The following FHAD1 variants were observed in gnomAD, a reference collection of about 807,000 sequenced individuals.
The protein encoded by FHAD1 is forkhead-associated domain-containing protein 1.
In FHAD1, 146 loss-of-function variants were observed where a neutral mutation model predicts 191.3. The ratio of observed to expected loss-of-function variants is 0.76; its 90% confidence interval spans 0.67 to 0.88. The LOEUF is 0.88. FHAD1 is among the 40% of genes least tolerant of loss of function. FHAD1 has a pLI of 0.00. For missense variants in FHAD1, 1,635 were observed against 1,785.8 expected (o/e 0.92, Z 1.52); for synonymous variants, 616 against 672.3 (o/e 0.92, Z 1.29).
chr1:15,261,460 G>T (rs536846909), intron 2 of FHAD1, among the ~76,000 whole-genome samples: 1 of 152,122 alleles, frequency 6.6e-6, no homozygotes, highest in African/African-American at 2.4e-5. Flanking sequence ...AGGTTCTTTC[G>T]AGCCGTCAGT....
chr1:15,256,715 G>T (rs1352743282), intron 2 of FHAD1, among the ~76,000 whole-genome samples: 2 of 147,850 alleles, frequency 1.4e-5, no homozygotes, highest in Non-Finnish European at 3.0e-5. Context: ...ACCCTGCCCT[G>T]CCCTACACCG....
chr1:15,236,919 G>A (rs970880674), intron 1 of FHAD1, among the ~76,000 whole-genome samples: 1 of 152,174 alleles, frequency 6.6e-6, no homozygotes, highest in Non-Finnish European at 1.5e-5. Context: ...TCATGAGGGC[G>A]GTTACCCTCG....
chr1:15,272,671 C>T, intron 3 of FHAD1, 142 bp downstream of exon 3: 1 of 723,740 alleles, frequency 1.4e-6, no homozygotes, highest in Non-Finnish European at 2.2e-6. Flanking sequence ...ACAGAGTGGA[C>T]CCTGTGGAGT....
intron 19 of FHAD1, among the ~76,000 whole-genome samples, chr1:15,350,935 A>G (rs994633547): frequency 6.6e-6 from 1 of 152,144 alleles, no homozygotes; most frequent in African/African-American, 2.4e-5. Context: ...GATCCAAACT[A>G]TGGTCACCAC....
At chr1:15,299,552 G>A (rs745828549) in intron 5 of FHAD1, among the ~76,000 whole-genome samples, 2 of 152,150 alleles carry the variant, frequency 1.3e-5, no homozygotes, top group Non-Finnish European at 2.9e-5. Flanking sequence ...GGTGGGACAG[G>A]AAGGCAGGTG....
At chr1:15,373,274 G>T (rs1698628640) in intron 26 of FHAD1, among the ~76,000 whole-genome samples, 1 of 152,074 alleles carries the variant, frequency 6.6e-6, no homozygotes, top group Non-Finnish European at 1.5e-5. Flanking sequence ...ACTTTGGGAG[G>T]CCGAGGGAGG....
intron 3 of FHAD1, among the ~76,000 whole-genome samples, chr1:15,282,453 T>C (rs1193578066): frequency 6.6e-6 from 1 of 152,240 alleles, no homozygotes; most frequent in African/African-American, 2.4e-5. Flanking sequence ...GCCAAACTCT[T>C]GTATCCCTAG....
chr1:15,359,667 G>A (rs1458354381), intron 21 of FHAD1, among the ~76,000 whole-genome samples: 2 of 151,952 alleles, frequency 1.3e-5, no homozygotes, highest in African/African-American at 2.4e-5. Flanking sequence ...GGCCAACATG[G>A]CAAAACCCCA....
intron 1 of FHAD1, among the ~76,000 whole-genome samples, chr1:15,251,158 C>T (rs898422684): frequency 6.6e-6 from 1 of 151,784 alleles, no homozygotes; most frequent in African/African-American, 2.4e-5. Flanking sequence ...ACCTGTAATC[C>T]CAGCTACTGG....
intron 11 of FHAD1, 165 bp downstream of exon 11, chr1:15,324,724 A>T (rs1677632390): frequency 4.8e-6 from 3 of 623,232 alleles, no homozygotes; most frequent in Non-Finnish European, 8.7e-6. Flanking sequence ...CCCCACCCCC[A>T]TGGACATCGC....
At chr1:15,283,963 G>C (rs536048268) in intron 3 of FHAD1, among the ~76,000 whole-genome samples, 134 of 152,316 alleles carry the variant, frequency 8.8e-4, no homozygotes, top group African/African-American at 3.1e-3. Flanking sequence ...AGCTCCAGGG[G>C]CACAGAGTTT....
intron 18 of FHAD1, among the ~76,000 whole-genome samples, chr1:15,348,315 G>A (rs1166074227): frequency 1.3e-5 from 2 of 152,220 alleles, no homozygotes; most frequent in Non-Finnish European, 2.9e-5. Flanking sequence ...GCCTGACAGT[G>A]AACCTCGTGT....
At chr1:15,323,354 G>A (rs955021333) in intron 10 of FHAD1, among the ~76,000 whole-genome samples, 5 of 152,206 alleles carry the variant, frequency 3.3e-5, no homozygotes, top group South Asian at 4.1e-4. Context: ...CTCTGCTTTC[G>A]CAGCATTTGA....
chr1:15,298,288 AAACATC>A (rs1218852939), intron 5 of FHAD1, among the ~76,000 whole-genome samples: 1 of 152,252 alleles, frequency 6.6e-6, no homozygotes, highest in African/African-American at 2.4e-5. Context: ...ATGGAAAACC[AAACATC>A]GTATGTTCTC....
At position 15,316,904 on chromosome 1, in the gene FHAD1, A is replaced by G. The variant is rs1054360323; in HGVS notation, c.1260+437A>G. Among the ~76,000 whole-genome samples the G allele has an allele frequency of 5.3e-5, 8 of 152,242 alleles. No individual in the cohort carries two copies. The highest frequency in any genetic ancestry group is 8.8e-5 in the Non-Finnish European group (6 of 68,044). On this transcript the variant is annotated intron_variant, in intron 9 of 33. Transcript: ENST00000688493. This position sits in a 1 kb window ranked among gnomAD's most constrained non-coding sequence, Gnocchi z 4.3. The stretch of plus-strand genomic sequence containing the variant: ...CTATTTAACACCCACTTGTAAAAAC[A>G]AAACAAGGCAGTGGCTCACATCTGT...
chr1:15,323,531 T>C (rs1677085168), intron 10 of FHAD1, among the ~76,000 whole-genome samples: 1 of 152,198 alleles, frequency 6.6e-6, no homozygotes, highest in Non-Finnish European at 1.5e-5. Flanking sequence ...CTGGGTGTTT[T>C]ACATGAAATC....
chr1:15,321,533 T>C (rs1482200523), intron 10 of FHAD1, among the ~76,000 whole-genome samples: 1 of 152,242 alleles, frequency 6.6e-6, no homozygotes, highest in South Asian at 2.1e-4. Context: ...ATTGTTATCA[T>C]TTTCTAAACT....
Position 15,318,400 on chromosome 1 carries a change from G to A in FHAD1, c.1365+472G>A, listed in dbSNP as rs972729833. Among the ~76,000 whole-genome samples, 1 of 152,174 alleles carries A rather than the reference G, an allele frequency of 6.6e-6. No homozygotes were observed. Among genetic ancestry groups the A allele is most frequent in the East Asian group, 1.9e-4 (1 of 5,192 alleles). ...TGTAATCCCAGCATTTTGGGAGGCTGAGGCAGATGGATCACCTGAGGTCAG... is the reference window on the plus strand; with the variant it reads ...TGTAATCCCAGCATTTTGGGAGGCTAAGGCAGATGGATCACCTGAGGTCAG... On this transcript the variant is annotated intron_variant, in intron 10 of 33. Coordinates refer to ENST00000688493, the MANE Select transcript of FHAD1 (RefSeq NM_001391957.1). This position sits in a 1 kb window ranked among gnomAD's most constrained non-coding sequence, Gnocchi z 4.1.
In FHAD1 at chr1:15,376,777, C is replaced by T. The variant is rs573648239; in HGVS notation, c.3705+1047C>T. On this transcript the variant is annotated intron_variant, in intron 28 of 33. Transcript: ENST00000688493. ...TAGGCCAGGTGTGGTGGCTCACGCCCATCATCCCACCACTTTGTGAGGCCA... is the reference window on the plus strand; with the variant it reads ...TAGGCCAGGTGTGGTGGCTCACGCCTATCATCCCACCACTTTGTGAGGCCA... Among the ~76,000 whole-genome samples the T allele has an allele frequency of 1.6e-4, 24 of 152,272 alleles. No individual in the cohort carries two copies. In the South Asian group the frequency reaches 4.2e-3, roughly 26 times the overall value.
Sources: allele counts gnomAD v4.1 joint callset (sites outside exome capture counted in the v4.1 genomes callset), GRCh38; gene constraint gnomAD v4.1.1; non-coding constraint Gnocchi (gnomAD v3.1); transcripts MANE v1.5; gene names NCBI Gene and HGNC (gene_info 2026-07-23, HGNC 2026-07-21).